MAP3K13: variants seen among roughly 807,000 people sequenced by gnomAD.
The protein encoded by MAP3K13 is leucine zipper-bearing kinase.
In MAP3K13, 52 loss-of-function variants were observed where a neutral mutation model predicts 104.0. The observed-to-expected ratio is 0.50, with a 90% CI of 0.40 to 0.63. MAP3K13 has a LOEUF of 0.63. Among genes scored for constraint, MAP3K13 ranks in the 20% least tolerant of loss-of-function variants. The pLI, the probability that MAP3K13 is intolerant of heterozygous loss-of-function variation, is 0.00. For synonymous variants in MAP3K13, 394 were observed against 442.2 expected (o/e 0.89, Z 1.37); for missense variants, 914 against 1,218.5 (o/e 0.75, Z 3.72).
chr3:185,311,323 TGAA>T (rs1196758275), intron 2 of MAP3K13, among the ~76,000 whole-genome samples: 1 of 151,748 alleles, frequency 6.6e-6, no homozygotes, highest in Non-Finnish European at 1.5e-5. Context: ...CAAGAGAAAA[TGAA>T]GAAGAAGCAA....
rs1717511956 is a variant in MAP3K13, at chr3:185,467,482, C to A, written c.1643+519C>A. Among the ~76,000 whole-genome samples, 4 of 152,176 alleles carry A rather than the reference C, an allele frequency of 2.6e-5. No homozygotes were observed. In the Middle Eastern group the frequency reaches 0.01, roughly 388 times the overall value. On this transcript the variant is annotated intron_variant, in intron 10 of 13. Transcript: ENST00000265026. ...AACTCACTGTATTAGTCCCTTCTTG[C>A]ATTGCCATAAAGAAATACCTGACTG...
At chr3:185,376,149 A>G (rs1724418143) in intron 1 of MAP3K13, among the ~76,000 whole-genome samples, 1 of 152,112 alleles carries the variant, frequency 6.6e-6, no homozygotes. Context: ...GGTGGATCAG[A>G]GAGATACAGT....
chr3:185,340,060 A>G (rs2108718780), intron 2 of MAP3K13, among the ~76,000 whole-genome samples: 1 of 152,114 alleles, frequency 6.6e-6, no homozygotes, highest in African/African-American at 2.4e-5. Flanking sequence ...GACTGGAAAG[A>G]TGCACCAGGG....
intron 1 of MAP3K13, among the ~76,000 whole-genome samples, chr3:185,402,739 T>A (rs1384683609): frequency 6.6e-6 from 1 of 152,198 alleles, no homozygotes; most frequent in Non-Finnish European, 1.5e-5. Flanking sequence ...TATAATTATG[T>A]GCGCATGTGT....
intron 1 of MAP3K13, among the ~76,000 whole-genome samples, chr3:185,386,908 G>A (rs1469448637): frequency 6.6e-6 from 1 of 152,138 alleles, no homozygotes; most frequent in Non-Finnish European, 1.5e-5. Flanking sequence ...CAGAGGGCAG[G>A]GGGTGGGAGA....
chr3:185,411,131 A>G (rs1220290170), intron 1 of MAP3K13, among the ~76,000 whole-genome samples: 1 of 152,106 alleles, frequency 6.6e-6, no homozygotes, highest in Non-Finnish European at 1.5e-5. Context: ...CTTCAAGTAG[A>G]GTTGTCTTTT....
chr3:185,434,024 A>C (rs974040005), intron 2 of MAP3K13, among the ~76,000 whole-genome samples: 6 of 152,196 alleles, frequency 3.9e-5, no homozygotes, highest in Non-Finnish European at 5.9e-5. Context: ...CACCAAAATA[A>C]GTTTCAGATG....
At chr3:185,365,477 T>C (rs560764737) in intron 1 of MAP3K13, among the ~76,000 whole-genome samples, 3 of 152,224 alleles carry the variant, frequency 2.0e-5, no homozygotes, top group African/African-American at 7.2e-5. Context: ...ATACTTCAGA[T>C]GGCAAAACCG....
chr3:185,406,508 C>T (rs1713121565), intron 1 of MAP3K13, among the ~76,000 whole-genome samples: 1 of 152,146 alleles, frequency 6.6e-6, no homozygotes, highest in Non-Finnish European at 1.5e-5. Flanking sequence ...AAAAAATAAT[C>T]AGACTATTCT....
At chr3:185,367,866 A>G (rs1723963629) in intron 1 of MAP3K13, among the ~76,000 whole-genome samples, 1 of 152,222 alleles carries the variant, frequency 6.6e-6, no homozygotes, top group Non-Finnish European at 1.5e-5. Flanking sequence ...ACAATGTTGT[A>G]ATTACAGACG....
Position 185,466,896 on chromosome 3 carries a change from C to T in MAP3K13, c.1576C>T (p.Pro526Ser), listed in dbSNP as rs372997179. Residue 526 changes from proline (P) to serine (S), a missense_variant, in exon 10 of 14, where the codon CCC (proline) becomes TCC (serine). Transcript: ENST00000265026. ...ACACCCTGTTCGTCCTATCATCCAT[C>T]CCAATGCCATGGAGAAACTCATGAA... ...KRHPVRPIIH[P>S]NAMEKLMKRK... 59 of 1,613,846 alleles carry T rather than the reference C, an allele frequency of 3.7e-5. No individual in the cohort carries two copies. In the Middle Eastern group the frequency reaches 9.9e-4, roughly 27 times the overall value.
chr3:185,382,030 C>A (rs1225476903), intron 1 of MAP3K13, among the ~76,000 whole-genome samples: 1 of 152,180 alleles, frequency 6.6e-6, no homozygotes, highest in Non-Finnish European at 1.5e-5. Flanking sequence ...ATGATGAAGT[C>A]TATCCAATAA....
intron 2 of MAP3K13, among the ~76,000 whole-genome samples, chr3:185,333,740 T>C (rs1011395934): frequency 2.0e-5 from 3 of 151,732 alleles, no homozygotes. Context: ...TTTAAAAAAA[T>C]TAAAAATATG....
chr3:185,319,038 A>G (rs1030485678), intron 2 of MAP3K13, among the ~76,000 whole-genome samples: 4 of 152,150 alleles, frequency 2.6e-5, no homozygotes, highest in African/African-American at 9.7e-5. Flanking sequence ...ATATATCCCT[A>G]AACAGTATAT....
intron 2 of MAP3K13, among the ~76,000 whole-genome samples, chr3:185,317,149 A>C (rs1407604664): frequency 6.6e-6 from 1 of 150,978 alleles, no homozygotes. Context: ...CAGATTATGA[A>C]ATCTGAGTTA....
rs1714605793 is a variant in MAP3K13 at position 185,429,166 on chromosome 3, T to G, written c.475+110T>G. Reference sequence around the variant, plus strand: ...ATGACCTTTGGGCAAATTAAAGAACTAGTGACAGATGAATACCTCATTTCA... The same window carrying G: ...ATGACCTTTGGGCAAATTAAAGAACGAGTGACAGATGAATACCTCATTTCA... On this transcript the variant is annotated intron_variant, in intron 2 of 13. Transcript: ENST00000265026. The G allele has an allele frequency of 3.2e-6, 3 of 948,724 alleles. No individual in the cohort carries two copies. The South Asian group carries it at 5.1e-5, about 16-fold the overall frequency. The allele number at this position is 948,724 out of a possible 1,614,324, so 58.8% of individuals were successfully genotyped here. A position where few individuals can be genotyped will look rare whatever the true frequency, so the allele number is the denominator to read the frequency against.
chr3:185,437,315 G>T, intron 2 of MAP3K13, 132 bp from the exon 3 acceptor site: 2 of 677,034 alleles, frequency 3.0e-6, no homozygotes, highest in South Asian at 2.0e-5. Flanking sequence ...ACATAGGAAG[G>T]TTCTATCTTT....
chr3:185,411,925 C>G (rs991098929), intron 1 of MAP3K13, among the ~76,000 whole-genome samples: 1 of 151,796 alleles, frequency 6.6e-6, no homozygotes, highest in Non-Finnish European at 1.5e-5. Context: ...GCTGGGACTA[C>G]AGGTGTGTAC....
rs1201715679 is a variant in MAP3K13 at position 185,454,491 on chromosome 3, TA to T, written c.1278+3097del. Reference sequence around the variant, plus strand: ...ATATATATGAGATATATATGATATATATACATATATATGAGATATATATGAT... The same window carrying T: ...ATATATATGAGATATATATGATATATTACATATATATGAGATATATATGAT... On this transcript the variant is annotated intron_variant, in intron 7 of 13. Transcript: ENST00000265026. Among the ~76,000 whole-genome samples, 18 of 113,766 alleles carry T rather than the reference TA, an allele frequency of 1.6e-4. 1 individual carries two copies. The East Asian group carries it at 2.3e-3, about 14-fold the overall frequency. 74.6% of individuals were successfully genotyped at this position (113,766 alleles called of 152,430 possible). A position where few individuals can be genotyped will look rare whatever the true frequency, so the allele number is the denominator to read the frequency against.
Sources: allele counts gnomAD v4.1 joint callset (sites outside exome capture counted in the v4.1 genomes callset), GRCh38; gene constraint gnomAD v4.1.1; transcripts MANE v1.5; gene names NCBI Gene and HGNC (gene_info 2026-07-23, HGNC 2026-07-21).